Variants in PRPF3 observed in about 807,000 individuals in gnomAD.
The protein encoded by PRPF3 is U4/U6 small nuclear ribonucleoprotein Prp3.
In PRPF3, 3 loss-of-function variants were observed where a neutral mutation model predicts 89.2. The observed-to-expected ratio is 0.03, with a 90% CI of 0.02 to 0.09. The LOEUF (loss-of-function observed/expected upper bound fraction) is 0.09, where lower values mean the gene tolerates loss of function less well. Ranked by LOEUF, PRPF3 falls within the 10% of genes least tolerant of loss-of-function variation. The pLI, the probability that PRPF3 is intolerant of heterozygous loss-of-function variation, is 1.00. For missense variants in PRPF3, 463 were observed against 828.8 expected, an observed-to-expected ratio of 0.56 and a Z score of 5.42; for synonymous variants, 270 against 289.1, an observed-to-expected ratio of 0.93 and a Z score of 0.67.
intron 12 of PRPF3, among the ~76,000 whole-genome samples, 186 bp downstream of exon 12, chr1:150,344,733 T>C (rs1553872461): frequency 1.3e-5 from 2 of 149,100 alleles, no homozygotes; most frequent in Non-Finnish European, 3.0e-5. Flanking sequence ...CTTATGTTTA[T>C]GGTTACCCAG....
chr1:150,339,700 A>G (rs12733783), intron 8 of PRPF3, among the ~76,000 whole-genome samples: 16,153 of 145,558 alleles, frequency 0.11, 1,232 homozygotes, highest in African/African-American at 0.2. Context: ...AGCCTCCCAA[A>G]GGGCTGGGAT....
At chr1:150,337,500 A>T (rs587620172) in intron 7 of PRPF3, among the ~76,000 whole-genome samples, 4 of 152,204 alleles carry the variant, frequency 2.6e-5, no homozygotes, top group African/African-American at 9.6e-5. Flanking sequence ...GTTAGGTGTA[A>T]AGAGTTCAAC....
rs10692607 is a variant in PRPF3 at position 150,351,667 on chromosome 1, ATTTTTTTTTTTT to A, written c.1906-1151_1906-1140del. Among the ~76,000 whole-genome samples, 3 of 94,442 alleles carry A rather than the reference ATTTTTTTTTTTT, an allele frequency of 3.2e-5. 1 individual carries two copies. The highest frequency in any genetic ancestry group is 1.2e-4 in the African/African-American group (3 of 25,278). 62.0% of individuals were successfully genotyped at this position (94,442 alleles called of 152,430 possible). A position where few individuals can be genotyped will look rare whatever the true frequency, so the allele number is the denominator to read the frequency against. On this transcript the variant is annotated intron_variant, in intron 15 of 15. Transcript: ENST00000324862. Reference sequence around the variant, plus strand: ...AGGTCCACACCACTGTGCCTGGCTAATTTTTTTTTTTTTTTTTTTTTTTTTTAGAAATGGATC... The same window carrying A: ...AGGTCCACACCACTGTGCCTGGCTAATTTTTTTTTTTTTTAGAAATGGATC...
chr1:150,338,532 G>A (rs371108066), intron 8 of PRPF3, among the ~76,000 whole-genome samples: 1 of 132,028 alleles, frequency 7.6e-6, no homozygotes. Context: ...AGGGAGTCTC[G>A]CTCTGTCACC....
chr1:150,351,677 T>TTTTTC (rs1247945487), intron 15 of PRPF3, among the ~76,000 whole-genome samples: 15 of 146,602 alleles, frequency 1.0e-4, no homozygotes, highest in Admixed American at 4.8e-4. Context: ...ATTTTTTTTT[T>TTTTTC]TTTTTTTTTT....
At position 150,333,215 on chromosome 1, in the gene PRPF3, A is replaced by G. The variant is rs781904808; in HGVS notation, c.728+16A>G. 2.3e-5 allele frequency: 37 copies of G among 1,611,260 alleles called. No individual in the cohort carries two copies. Among genetic ancestry groups the G allele is most frequent in the Non-Finnish European group, 3.0e-5 (35 of 1,177,642 alleles). On this transcript the variant is annotated intron_variant, in intron 6 of 15. Coordinates refer to ENST00000324862, the MANE Select transcript of PRPF3 (RefSeq NM_004698.4). ...TTGCTCCCCCGTGAGTGTCTATTTC[A>G]TGGAATACCTTTTCATTTCTGAAGT...
intron 5 of PRPF3, 70 bp from the exon 6 acceptor site, chr1:150,332,909 A>G (rs1656572982): frequency 6.7e-7 from 1 of 1,501,590 alleles, no homozygotes. Flanking sequence ...GTGTGTGTAT[A>G]TCTGTGTGTA....
rs587647558 is a variant in PRPF3, at chr1:150,334,807, G to C, written c.729-128G>C. The C allele has an allele frequency of 4.6e-6, 5 of 1,096,334 alleles. No individual in the cohort carries two copies. In the African/African-American group the frequency reaches 6.2e-5, roughly 14 times the overall value. The allele number at this position is 1,096,334 out of a possible 1,614,324, so 67.9% of individuals were successfully genotyped here. A position where few individuals can be genotyped will look rare whatever the true frequency, so the allele number is the denominator to read the frequency against. Reference sequence around the variant, plus strand: ...TGGTCTTTAACTCCTGGGCTCAAGTGATCCCTCTGCCTTGGCCTCCCAAAA... The same window carrying C: ...TGGTCTTTAACTCCTGGGCTCAAGTCATCCCTCTGCCTTGGCCTCCCAAAA... On this transcript the variant is annotated intron_variant, in intron 6 of 15. Transcript: ENST00000324862.
chr1:150,337,744 A>T (rs1657192648), intron 7 of PRPF3, among the ~76,000 whole-genome samples: 1 of 147,660 alleles, frequency 6.8e-6, no homozygotes, highest in Admixed American at 6.8e-5. Flanking sequence ...AGCCTGGGTG[A>T]CAGAGTGAGA....
At chr1:150,336,308 C>T (rs1656995660) in intron 7 of PRPF3, among the ~76,000 whole-genome samples, 1 of 152,090 alleles carries the variant, frequency 6.6e-6, no homozygotes, top group Non-Finnish European at 1.5e-5. Flanking sequence ...CACCGATGAT[C>T]TGACAGGAGG....
intron 10 of PRPF3, 77 bp from the exon 11 acceptor site, chr1:150,344,085 G>T: frequency 1.6e-6 from 2 of 1,214,540 alleles, no homozygotes; most frequent in Non-Finnish European, 1.2e-6. Context: ...AATATGAATT[G>T]GTATGGAAGA....
At position 150,340,543 on chromosome 1, in the gene PRPF3, G is replaced by C; in HGVS notation, c.1282+66G>C. 2.5e-6 allele frequency: 3 copies of C among 1,221,944 alleles called. No individual in the cohort carries two copies. The South Asian group carries it at 3.6e-5, about 15-fold the overall frequency. 75.7% of individuals were successfully genotyped at this position (1,221,944 alleles called of 1,614,324 possible). Reference sequence around the variant, plus strand: ...TACCCATTGGAAATTTATACAGTGAGGAACATGTTCTGTATCTATGCTGTT... The same window carrying C: ...TACCCATTGGAAATTTATACAGTGACGAACATGTTCTGTATCTATGCTGTT... On this transcript the variant is annotated intron_variant, in intron 9 of 15. Coordinates refer to ENST00000324862, the MANE Select transcript of PRPF3 (RefSeq NM_004698.4).
At chr1:150,337,309 G>A (rs1657129188) in intron 7 of PRPF3, among the ~76,000 whole-genome samples, 1 of 151,928 alleles carries the variant, frequency 6.6e-6, no homozygotes, top group African/African-American at 2.4e-5. Flanking sequence ...AAAGTGCTGG[G>A]ATTACAGGCG....
chr1:150,340,971 G>T (rs1263161192), intron 9 of PRPF3, among the ~76,000 whole-genome samples: 1 of 151,902 alleles, frequency 6.6e-6, no homozygotes, highest in African/African-American at 2.4e-5. Flanking sequence ...CGGGCATGGT[G>T]GTGTGCATCT....
At chr1:150,327,734 C>T (rs1553864206) in intron 3 of PRPF3, 1 of 607,334 alleles carries the variant, frequency 1.6e-6, no homozygotes, top group East Asian at 1.4e-4. Context: ...AATTAGTCAT[C>T]ATATTTGAGT....
chr1:150,329,778 G>T (rs782419266), intron 4 of PRPF3: 6 of 152,278 alleles, frequency 3.9e-5, no homozygotes, highest in Middle Eastern at 3.4e-3. Flanking sequence ...TTGTGTGTGT[G>T]TGTGAGATGT....
At chr1:150,340,151 A>T (rs1429232491) in intron 8 of PRPF3, among the ~76,000 whole-genome samples, 1 of 152,296 alleles carries the variant, frequency 6.6e-6, no homozygotes, top group East Asian at 1.9e-4. Context: ...CAGCTGTGGC[A>T]TGGTAGAAAA....
chr1:150,322,190 T>A (rs587663733), intron 1 of PRPF3, among the ~76,000 whole-genome samples: 1 of 152,362 alleles, frequency 6.6e-6, no homozygotes, highest in South Asian at 2.1e-4. Context: ...GCTTATACTT[T>A]CTAGCCTATC....
intron 3 of PRPF3, 73 bp from the exon 4 acceptor site, chr1:150,328,247 A>G (rs2101953957): frequency 6.4e-7 from 1 of 1,573,538 alleles, no homozygotes; most frequent in Non-Finnish European, 8.7e-7. Context: ...AAATGCTGGT[A>G]GGGGCTAGGA....
Sources: allele counts gnomAD v4.1 joint callset (sites outside exome capture counted in the v4.1 genomes callset), GRCh38; gene constraint gnomAD v4.1.1; transcripts MANE v1.5; gene names NCBI Gene and HGNC (gene_info 2026-07-23, HGNC 2026-07-21).